Variants in BCAS3 observed in about 807,000 individuals in gnomAD.
BCAS3 encodes the protein BCAS4/BCAS3 fusion.
Under a neutral mutation model 116.1 loss-of-function variants are expected in BCAS3, and 53 were observed. The observed-to-expected ratio is 0.46, with a 90% CI of 0.37 to 0.57. The LOEUF is 0.57. Among genes scored for constraint, BCAS3 ranks in the 20% least tolerant of loss-of-function variants. The pLI is 0.00. For synonymous variants in BCAS3, 391 were observed against 408.2 expected (o/e 0.96, Z 0.51); for missense variants, 917 against 1,165.4 (o/e 0.79, Z 3.10).
intron 19 of BCAS3, among the ~76,000 whole-genome samples, chr17:61,061,038 C>T (rs1414620368): frequency 6.6e-6 from 1 of 152,030 alleles, no homozygotes; most frequent in African/African-American, 2.4e-5. Context: ...CATGCTTTCC[C>T]CTATCCTCTC....
chr17:60,909,025 T>C (rs2058342949), intron 11 of BCAS3, among the ~76,000 whole-genome samples: 1 of 152,116 alleles, frequency 6.6e-6, no homozygotes, highest in Admixed American at 6.6e-5. Flanking sequence ...ATTGGGTAAC[T>C]GTTTGAGCTT....
At chr17:60,789,954 T>A (rs1192795193) in intron 6 of BCAS3, among the ~76,000 whole-genome samples, 1 of 151,760 alleles carries the variant, frequency 6.6e-6, no homozygotes, top group Non-Finnish European at 1.5e-5. Flanking sequence ...ATGAGAATAT[T>A]TTTTTTTTCT....
In BCAS3 at chr17:61,368,892, G is replaced by A. The variant is rs774556311; in HGVS notation, c.2593+398G>A. ...CTCAGTAGGGCCTGCCAACCTGAGC[G>A]GAGTAAGCATGAAGCAGGCTGGGCT... On this transcript the variant is annotated intron_variant, in intron 23 of 23. Coordinates refer to ENST00000407086, the MANE Select transcript of BCAS3 (RefSeq NM_017679.5). This position sits in a 1 kb window ranked among gnomAD's most constrained non-coding sequence, Gnocchi z 6.0. 1.1e-4 allele frequency among the ~76,000 whole-genome samples: 17 copies of A among 152,324 alleles called. No individual in the cohort carries two copies. Among genetic ancestry groups the A allele is most frequent in the Non-Finnish European group, 2.1e-4 (14 of 68,020 alleles).
At position 61,235,787 on chromosome 17, in the gene BCAS3, G is replaced by A. The variant is rs1831726416; in HGVS notation, c.2426-132540G>A. ...CTGCAAAAGAGATGTGGAGACTGGG[G>A]GAAAAGGACTGATTATATGTTAGCT... On this transcript the variant is annotated intron_variant, in intron 22 of 23. Coordinates refer to ENST00000407086, the MANE Select transcript of BCAS3 (RefSeq NM_017679.5). The surrounding 1 kb of genome is among the most constrained non-coding windows in gnomAD (Gnocchi z 5.0). 6.6e-6 allele frequency among the ~76,000 whole-genome samples: 1 copy of A among 152,090 alleles called. No homozygotes were observed. The highest frequency in any genetic ancestry group is 2.1e-4 in the South Asian group (1 of 4,816).
intron 22 of BCAS3, chr17:61,086,960 C>T: frequency 5.1e-6 from 5 of 985,356 alleles, no homozygotes; most frequent in Non-Finnish European, 6.0e-6. Context: ...CTGTTGTCAA[C>T]AGAATTACTT....
intron 6 of BCAS3, among the ~76,000 whole-genome samples, chr17:60,776,664 A>G (rs541180485): frequency 4.2e-4 from 63 of 148,794 alleles, no homozygotes; most frequent in Admixed American, 2.5e-3. Flanking sequence ...GATTGCAGTG[A>G]GCCGAGATCG....
intron 5 of BCAS3, among the ~76,000 whole-genome samples, chr17:60,722,623 T>G (rs2144102943): frequency 6.6e-6 from 1 of 152,048 alleles, no homozygotes; most frequent in Middle Eastern, 3.4e-3. Flanking sequence ...TAGGCAGGCA[T>G]GGTGGTGGGC....
chr17:60,742,624 C>T (rs2041671893), intron 5 of BCAS3, among the ~76,000 whole-genome samples: 2 of 151,110 alleles, frequency 1.3e-5, no homozygotes, highest in South Asian at 4.2e-4. Flanking sequence ...GTAGAGACAG[C>T]TTTTCACCAT....
At position 61,199,384 on chromosome 17, in the gene BCAS3, T is replaced by TA. The variant is rs2080687822; in HGVS notation, c.2425+114821dup. ...CAGGTGGGCACCTAGTGCATGGTGT[T>TA]ACAGTAAAGACAACTCGACATCATA... is the stretch of plus-strand genomic sequence containing the variant. On this transcript the variant is annotated intron_variant, in intron 22 of 23. Coordinates refer to ENST00000407086, the MANE Select transcript of BCAS3 (RefSeq NM_017679.5). This position sits in a 1 kb window ranked among gnomAD's most constrained non-coding sequence, Gnocchi z 4.6. 6.6e-6 allele frequency among the ~76,000 whole-genome samples: 1 copy of TA among 152,226 alleles called. No homozygotes were observed. The highest frequency in any genetic ancestry group is 1.5e-5 in the Non-Finnish European group (1 of 68,042).
chr17:60,787,809 T>C (rs944585775), intron 6 of BCAS3, among the ~76,000 whole-genome samples: 1 of 152,036 alleles, frequency 6.6e-6, no homozygotes, highest in Admixed American at 6.6e-5. Context: ...AGGGGTGTGT[T>C]TGACATACTC....
At chr17:61,001,812 C>CT (rs1254665669) in intron 15 of BCAS3, among the ~76,000 whole-genome samples, 4 of 151,908 alleles carry the variant, frequency 2.6e-5, no homozygotes, top group African/African-American at 4.8e-5. Context: ...CTTTTATCAC[C>CT]TTTTTTAAAA....
intron 22 of BCAS3, among the ~76,000 whole-genome samples, chr17:61,166,035 A>G (rs1247557338): frequency 6.6e-6 from 1 of 152,206 alleles, no homozygotes; most frequent in South Asian, 2.1e-4. Context: ...GGACATAGCT[A>G]AAGTAGGTAA....
At chr17:60,868,802 CCTT>C (rs1205524612) in intron 8 of BCAS3, 119 bp downstream of exon 8, 1 of 547,856 alleles carries the variant, frequency 1.8e-6, no homozygotes, top group African/African-American at 2.0e-5. Flanking sequence ...CAAGGAAACA[CCTT>C]CTGAATTCTG....
At chr17:60,698,210 A>G (rs2035895954) in intron 4 of BCAS3, among the ~76,000 whole-genome samples, 1 of 150,106 alleles carries the variant, frequency 6.7e-6, no homozygotes, top group Non-Finnish European at 1.5e-5. Context: ...AAAAAAGAGC[A>G]GCAGTGGAGA....
intron 7 of BCAS3, among the ~76,000 whole-genome samples, chr17:60,868,172 A>T (rs188456396): frequency 1.3e-5 from 2 of 151,784 alleles, no homozygotes; most frequent in Non-Finnish European, 2.9e-5. Context: ...CTACAGGCAC[A>T]TGCCACCATG....
intron 13 of BCAS3, among the ~76,000 whole-genome samples, chr17:60,930,368 T>C (rs752931908): frequency 5.9e-5 from 9 of 152,244 alleles, no homozygotes; most frequent in Non-Finnish European, 1.2e-4. Context: ...GCATGATTTT[T>C]GTTTTTAAAG....
intron 10 of BCAS3, among the ~76,000 whole-genome samples, chr17:60,893,060 T>A (rs2057283928): frequency 6.6e-6 from 1 of 152,204 alleles, no homozygotes; most frequent in South Asian, 2.1e-4. Flanking sequence ...TTACATTCTT[T>A]TTGAGAAATG....
chr17:61,177,520 A>C (rs1382034350), intron 22 of BCAS3, among the ~76,000 whole-genome samples: 1 of 152,234 alleles, frequency 6.6e-6, no homozygotes, highest in Non-Finnish European at 1.5e-5. Flanking sequence ...AACTGAAAGC[A>C]AGAAGTGGTT....
Position 61,012,604 on chromosome 17 carries a change from C to G in BCAS3, c.1487-3147C>G, listed in dbSNP as rs1456032879. ...CCATTAATATGTAAGACAGACACCA[C>G]CCCTACGAACATAAACATGAATGTA... On this transcript the variant is annotated intron_variant, in intron 15 of 23. Coordinates refer to ENST00000407086, the MANE Select transcript of BCAS3 (RefSeq NM_017679.5). The surrounding 1 kb of genome is among the most constrained non-coding windows in gnomAD (Gnocchi z 4.5). Among the ~76,000 whole-genome samples, 2 of 151,988 alleles carry G rather than the reference C, an allele frequency of 1.3e-5. No homozygotes were observed. The highest frequency in any genetic ancestry group is 2.9e-5 in the Non-Finnish European group (2 of 67,926).
Sources: gnomAD v4.1 joint callset for allele counts (sites outside exome capture counted in the v4.1 genomes callset) on GRCh38, gnomAD v4.1.1 for gene constraint, Gnocchi (gnomAD v3.1) non-coding constraint, MANE v1.5 for transcripts, NCBI Gene and HGNC (gene_info 2026-07-23, HGNC 2026-07-21) for gene names.